Variants in GALNT13 observed in about 807,000 individuals in gnomAD.
The protein encoded by GALNT13 is UDP-GalNAc:polypeptide N-acetylgalactosaminyltransferase 13.
A neutral mutation model predicts 64.2 loss-of-function variants in GALNT13; 28 were observed. The ratio of observed to expected loss-of-function variants is 0.44; its 90% confidence interval spans 0.32 to 0.60. The LOEUF (loss-of-function observed/expected upper bound fraction) is 0.60. Ranked by LOEUF, GALNT13 falls within the 20% of genes least tolerant of loss-of-function variation. GALNT13 has a pLI of 0.05. For missense variants in GALNT13, 577 were observed against 669.8 expected (o/e 0.86, Z 1.53); for synonymous variants, 214 against 224.6 (o/e 0.95, Z 0.42).
intron 1 of GALNT13, among the ~76,000 whole-genome samples, chr2:153,882,450 C>G (rs1049837082): frequency 1.3e-5 from 2 of 152,058 alleles, no homozygotes; most frequent in African/African-American, 4.8e-5. Flanking sequence ...TACTAACTAG[C>G]AAGGGACAGC....
chr2:153,497,646 TCCTGC>T, the GALNT13 span, among the ~76,000 whole-genome samples: 1 of 146,368 alleles, frequency 6.8e-6, no homozygotes. Context: ...CAAGCAATTC[TCCTGC>T]CTCAGCCTCC....
the GALNT13 span, among the ~76,000 whole-genome samples, chr2:153,262,103 G>C: frequency 1.5e-4 from 23 of 152,104 alleles, no homozygotes; most frequent in Non-Finnish European, 2.6e-4. Flanking sequence ...CCCCTTTACT[G>C]TTCTCTCTTC....
chr2:153,151,588 C>T, the GALNT13 span, among the ~76,000 whole-genome samples: 1 of 152,040 alleles, frequency 6.6e-6, no homozygotes, highest in Non-Finnish European at 1.5e-5. Context: ...CCCAAATGTC[C>T]AACAATGATA....
chr2:153,411,162 T>C, the GALNT13 span, among the ~76,000 whole-genome samples: 2 of 54,716 alleles, frequency 3.7e-5, no homozygotes, highest in Admixed American at 4.4e-4. Context: ...GGCATATATG[T>C]ATATATATAT....
At chr2:153,774,452 A>G in the GALNT13 span, among the ~76,000 whole-genome samples, 1 of 152,224 alleles carries the variant, frequency 6.6e-6, no homozygotes, top group African/African-American at 2.4e-5. Flanking sequence ...GGTTTTATAT[A>G]AAGACAGAAT....
intron 3 of GALNT13, among the ~76,000 whole-genome samples, chr2:154,042,695 CAT>C (rs70981696): frequency 0.17 from 17,876 of 107,740 alleles, 3,056 homozygotes; most frequent in Admixed American, 0.31. Flanking sequence ...TATCATTATG[CAT>C]ATATATATAT....
chr2:154,045,587 G>T (rs751655664), intron 3 of GALNT13, among the ~76,000 whole-genome samples: 3 of 152,122 alleles, frequency 2.0e-5, no homozygotes, highest in Non-Finnish European at 4.4e-5. Context: ...AGCTCTGGAC[G>T]CAAGTGTTTT....
At chr2:153,813,199 T>C in the GALNT13 span, among the ~76,000 whole-genome samples, 2 of 152,120 alleles carry the variant, frequency 1.3e-5, no homozygotes, top group African/African-American at 4.8e-5. Context: ...TACAAATGAG[T>C]AAGCTAATAT....
chr2:153,434,766 C>T, the GALNT13 span, among the ~76,000 whole-genome samples: 7 of 151,990 alleles, frequency 4.6e-5, no homozygotes, highest in Non-Finnish European at 1.0e-4. Flanking sequence ...AAATTGTCTC[C>T]CATTTTGTAG....
chr2:153,142,666 A>G, the GALNT13 span, among the ~76,000 whole-genome samples: 1 of 151,992 alleles, frequency 6.6e-6, no homozygotes, highest in Non-Finnish European at 1.5e-5. Context: ...TTGTAGGCCT[A>G]GGGATATTGT....
chr2:154,352,083 A>G (rs1696442447), intron 9 of GALNT13, among the ~76,000 whole-genome samples: 1 of 152,212 alleles, frequency 6.6e-6, no homozygotes. Context: ...CTTTTAGAGA[A>G]TGTACTTCAC....
intron 4 of GALNT13, among the ~76,000 whole-genome samples, chr2:154,142,352 G>A (rs141702406): frequency 0.013 from 1,919 of 151,758 alleles, 24 homozygotes; most frequent in South Asian, 0.038. Flanking sequence ...GAGTTTGAGA[G>A]CAGCCTGACC....
chr2:153,426,840 T>C, the GALNT13 span, among the ~76,000 whole-genome samples: 2 of 152,180 alleles, frequency 1.3e-5, no homozygotes, highest in South Asian at 4.1e-4. Flanking sequence ...ATGTTTATAG[T>C]AGGCTACATT....
intron 9 of GALNT13, among the ~76,000 whole-genome samples, chr2:154,339,364 G>C (rs990672049): frequency 3.3e-5 from 5 of 151,944 alleles, no homozygotes; most frequent in African/African-American, 1.2e-4. Flanking sequence ...GAGGAACTTT[G>C]GATAAGTAAC....
At chr2:153,819,796 C>A in the GALNT13 span, among the ~76,000 whole-genome samples, 13 of 152,178 alleles carry the variant, frequency 8.5e-5, no homozygotes, top group Non-Finnish European at 1.5e-5. Flanking sequence ...TCCTGCCCAA[C>A]ACACTCCTCT....
Position 153,884,819 on chromosome 2 carries a change from GTA to G in GALNT13, c.-177+12524_-177+12525del, listed in dbSNP as rs754326579. On this transcript the variant is annotated intron_variant, in intron 1 of 12. Coordinates refer to ENST00000392825, the MANE Select transcript of GALNT13 (RefSeq NM_052917.4). ...TATATATATATATGTGTGTGTGTGT[GTA>G]TATATATGTGTGTGTGTGTGTGTAT... Among the ~76,000 whole-genome samples, 953 of 109,796 alleles carry G rather than the reference GTA, an allele frequency of 8.7e-3. 24 individuals are homozygous for G. Among genetic ancestry groups the G allele is most frequent in the African/African-American group, 0.039 (912 of 23,158 alleles). 72.0% of individuals were successfully genotyped at this position (109,796 alleles called of 152,430 possible). A position where few individuals can be genotyped will look rare whatever the true frequency, so the allele number is the denominator to read the frequency against.
chr2:153,888,880 G>A (rs1256618681), intron 1 of GALNT13, among the ~76,000 whole-genome samples: 4 of 151,904 alleles, frequency 2.6e-5, no homozygotes, highest in Non-Finnish European at 5.9e-5. Context: ...AATCCTGTAA[G>A]TTCACTTTCA....
chr2:153,546,354 C>T, the GALNT13 span, among the ~76,000 whole-genome samples: 3 of 152,224 alleles, frequency 2.0e-5, no homozygotes, highest in South Asian at 6.2e-4. Flanking sequence ...ATTTTCATCC[C>T]CTGGATTCTG....
the GALNT13 span, among the ~76,000 whole-genome samples, chr2:153,445,403 A>G: frequency 1.1e-4 from 16 of 152,162 alleles, no homozygotes; most frequent in African/African-American, 3.6e-4. Flanking sequence ...TTTGAGACAT[A>G]GTCTCACTCT....
Sources: allele counts gnomAD v4.1 joint callset (sites outside exome capture counted in the v4.1 genomes callset), GRCh38; gene constraint gnomAD v4.1.1; transcripts MANE v1.5; gene names NCBI Gene and HGNC (gene_info 2026-07-23, HGNC 2026-07-21).